POU3F3: variants seen among roughly 807,000 people sequenced by gnomAD.
POU3F3 encodes POU domain, class 3, transcription factor 3.
POU3F3 carries 1 observed loss-of-function variant against 8.6 expected under a neutral mutation model. That is an observed-to-expected ratio of 0.12 (90% CI 0.04 to 0.55). The LOEUF (loss-of-function observed/expected upper bound fraction) is 0.55, where lower values mean the gene tolerates loss of function less well. POU3F3 is among the 20% of genes least tolerant of loss of function. The pLI, the probability that POU3F3 is intolerant of heterozygous loss-of-function variation, is 0.91. For synonymous variants in POU3F3, 418 were observed against 327.4 expected, an observed-to-expected ratio of 1.28 and a Z score of -2.99; for missense variants, 577 against 690.7, an observed-to-expected ratio of 0.84 and a Z score of 1.84.
the POU3F3 span, among the ~76,000 whole-genome samples, chr2:104,870,119 G>A: frequency 2.0e-5 from 3 of 152,188 alleles, no homozygotes; most frequent in African/African-American, 7.2e-5. Flanking sequence ...TTGTCCCTAG[G>A]GAGGCACCAA....
At chr2:104,897,356 A>G in the POU3F3 span, among the ~76,000 whole-genome samples, 1 of 152,102 alleles carries the variant, frequency 6.6e-6, no homozygotes, top group Non-Finnish European at 1.5e-5. Flanking sequence ...TCTGCTCCCC[A>G]ACCCTGGCAG....
the POU3F3 span, among the ~76,000 whole-genome samples, chr2:104,921,478 C>T: frequency 1.3e-5 from 2 of 152,108 alleles, no homozygotes; most frequent in African/African-American, 4.8e-5. Context: ...TGATCAATTT[C>T]CACCCATAAC....
chr2:104,863,042 T>C (rs772702452), downstream of POU3F3, among the ~76,000 whole-genome samples: 12 of 151,882 alleles, frequency 7.9e-5, no homozygotes, highest in Non-Finnish European at 1.6e-4. Flanking sequence ...TTACTGATAA[T>C]TGTCAACTGA....
the POU3F3 span, among the ~76,000 whole-genome samples, chr2:104,887,663 T>G: frequency 2.0e-5 from 3 of 152,206 alleles, no homozygotes; most frequent in African/African-American, 7.2e-5. Flanking sequence ...GCAGAAAATC[T>G]TATTCATTTG....
chr2:104,879,565 G>T, the POU3F3 span, among the ~76,000 whole-genome samples: 1 of 152,318 alleles, frequency 6.6e-6, no homozygotes, highest in South Asian at 2.1e-4. Context: ...ATTTGGGCTG[G>T]GGTGTGTAAA....
the POU3F3 span, among the ~76,000 whole-genome samples, chr2:104,913,442 A>G: frequency 0.75 from 113,445 of 152,048 alleles, 43,581 homozygotes; most frequent in African/African-American, 0.93. Flanking sequence ...AGGCTTGGGC[A>G]CTGACTAAGG....
the POU3F3 span, among the ~76,000 whole-genome samples, chr2:104,897,879 G>A: frequency 2.0e-5 from 3 of 152,320 alleles, no homozygotes; most frequent in Non-Finnish European, 4.4e-5. Flanking sequence ...TTTCTTTCTA[G>A]GGCCTTATGA....
At chr2:104,879,982 G>A in the POU3F3 span, among the ~76,000 whole-genome samples, 1 of 152,080 alleles carries the variant, frequency 6.6e-6, no homozygotes, top group African/African-American at 2.4e-5. Flanking sequence ...AAAAACAAAA[G>A]CTAAGATTTC....
chr2:104,856,391 A>G lies in POU3F3; in HGVS notation c.881A>G (p.His294Arg). 6 of 1,565,746 alleles carry G rather than the reference A, an allele frequency of 3.8e-6. No individual in the cohort carries two copies. Among genetic ancestry groups the G allele is most frequent in the Non-Finnish European group, 5.2e-6 (6 of 1,158,124 alleles). ...CACCACGCGCAGGGACCCCCGCACC[A>G]CGGCGGCGGCGGCGGCGGCGCGGGG... ...HPHHAQGPPHHGGGGGGAGPG... is the reference protein window; with the variant it reads ...HPHHAQGPPHRGGGGGGAGPG... The change falls in exon 1 of 1, where the codon CAC becomes CGC. Residue 294 changes from histidine (H) to arginine (R), a missense_variant. By Grantham distance (29) the His-to-Arg change is conservative. Coordinates refer to ENST00000361360, the MANE Select transcript of POU3F3 (RefSeq NM_006236.3).
At chr2:104,901,455 C>G in the POU3F3 span, among the ~76,000 whole-genome samples, 1 of 152,226 alleles carries the variant, frequency 6.6e-6, no homozygotes, top group Non-Finnish European at 1.5e-5. Context: ...AGTGCTACAT[C>G]TCTAGGCGCA....
chr2:104,896,309 G>A, the POU3F3 span, among the ~76,000 whole-genome samples: 6 of 152,178 alleles, frequency 3.9e-5, no homozygotes, highest in Non-Finnish European at 8.8e-5. Context: ...GATGGCCCCA[G>A]CCACCTGCAC....
chr2:104,915,009 A>G, the POU3F3 span, among the ~76,000 whole-genome samples: 1 of 152,182 alleles, frequency 6.6e-6, no homozygotes, highest in African/African-American at 2.4e-5. Flanking sequence ...ATTCATAGGC[A>G]GCAGCAGACA....
the POU3F3 span, among the ~76,000 whole-genome samples, chr2:104,896,032 G>T: frequency 6.6e-6 from 1 of 152,158 alleles, no homozygotes; most frequent in Non-Finnish European, 1.5e-5. Context: ...CTCGGTAGCT[G>T]GGCAGTTAGC....
chr2:104,875,653 G>A, the POU3F3 span, among the ~76,000 whole-genome samples: 2 of 152,150 alleles, frequency 1.3e-5, no homozygotes, highest in African/African-American at 4.8e-5. Context: ...TAGCAGAATG[G>A]AAATATCCCA....
At chr2:104,859,380 A>C (rs1048964774), downstream of POU3F3, among the ~76,000 whole-genome samples, 4 of 152,218 alleles carry the variant, frequency 2.6e-5, no homozygotes, top group African/African-American at 4.8e-5. Flanking sequence ...TGGGAAAATG[A>C]AAGTGTAATG....
At chr2:104,903,381 A>G in the POU3F3 span, among the ~76,000 whole-genome samples, 710 of 152,366 alleles carry the variant, frequency 4.7e-3, 6 homozygotes, top group African/African-American at 0.016. Flanking sequence ...TGCCTCTATT[A>G]TAATGAGAAT....
In POU3F3 at chr2:104,857,099, C is replaced by T. The variant is rs771781140; in HGVS notation, c.*86C>T. 4,557 of 977,116 alleles carry T rather than the reference C, an allele frequency of 4.7e-3. 14 individuals carry two copies. The highest frequency in any genetic ancestry group is 5.3e-3 in the Non-Finnish European group (4,379 of 824,988). 60.5% of individuals were successfully genotyped at this position (977,116 alleles called of 1,614,324 possible). The stretch of plus-strand genomic sequence containing the variant: ...CCGCCGCCGCCCCTGCCGCCGCCGC[C>T]GCCGCCGCCGCCGCCGCTGCCGCCG... On this transcript the variant is annotated 3_prime_UTR_variant, in exon 1 of 1. Transcript: ENST00000361360.
the POU3F3 span, among the ~76,000 whole-genome samples, chr2:104,887,805 A>T: frequency 6.6e-6 from 1 of 152,226 alleles, no homozygotes; most frequent in Non-Finnish European, 1.5e-5. Context: ...GGATGCGTCC[A>T]TGGTCCATGA....
At chr2:104,923,410 A>G in the POU3F3 span, among the ~76,000 whole-genome samples, 1 of 152,194 alleles carries the variant, frequency 6.6e-6, no homozygotes, top group South Asian at 2.1e-4. Flanking sequence ...AAGGGACTGT[A>G]TAGGAGCAGA....
Sources: allele counts gnomAD v4.1 joint callset (sites outside exome capture counted in the v4.1 genomes callset), GRCh38; gene constraint gnomAD v4.1.1; transcripts MANE v1.5; gene names NCBI Gene and HGNC (gene_info 2026-07-23, HGNC 2026-07-21).